DMD: variants seen among roughly 807,000 people sequenced by gnomAD.
DMD encodes the protein dystrophin.
Under a neutral mutation model 330.1 loss-of-function variants are expected in DMD, and 63 were observed. That is an observed-to-expected ratio of 0.19 (90% CI 0.16 to 0.24). The LOEUF (loss-of-function observed/expected upper bound fraction) is 0.24, where lower values mean the gene tolerates loss of function less well. Among genes scored for constraint, DMD ranks in the 10% least tolerant of loss-of-function variants. DMD has a pLI of 1.00. For synonymous variants in DMD, 1,223 were observed against 959.8 expected, an observed-to-expected ratio of 1.27 and a Z score of -5.07; for missense variants, 3,344 against 2,684.1, an observed-to-expected ratio of 1.25 and a Z score of -5.43.
intron 44 of DMD, among the ~76,000 whole-genome samples, chrX:32,063,173 T>C (rs2096239136): frequency 1.2e-5 from 1 of 81,907 alleles, no homozygotes; most frequent in African/African-American, 5.1e-5. Flanking sequence ...TCAAATAATG[T>C]TTTAAGTATG....
intron 1 of DMD, among the ~76,000 whole-genome samples, chrX:33,311,720 C>G (rs897762635): frequency 2.7e-5 from 3 of 109,752 alleles, no homozygotes; most frequent in African/African-American, 9.9e-5. Flanking sequence ...GCCACCTGCT[C>G]TTATGCGTAG....
chrX:32,674,538 G>T (rs898486114), intron 9 of DMD, among the ~76,000 whole-genome samples: 8 of 111,274 alleles, frequency 7.2e-5, no homozygotes, highest in African/African-American at 2.6e-4. Flanking sequence ...GGAAAGCATT[G>T]TTATTACTCT....
chrX:31,476,853 G>T (rs1277553278), intron 59 of DMD, among the ~76,000 whole-genome samples: 2 of 111,447 alleles, frequency 1.8e-5, no homozygotes, highest in Non-Finnish European at 3.8e-5. Context: ...AAGGACATTG[G>T]TTAAAAGAGG....
At chrX:33,173,487 T>A (rs748235839) in intron 1 of DMD, among the ~76,000 whole-genome samples, 1 of 111,569 alleles carries the variant, frequency 9.0e-6, no homozygotes. Context: ...AGAGAGGAAT[T>A]AGAAAAATAA....
intron 1 of DMD, among the ~76,000 whole-genome samples, chrX:33,045,308 A>G (rs1420267639): frequency 3.2e-5 from 3 of 93,047 alleles, no homozygotes; most frequent in Non-Finnish European, 6.3e-5. Context: ...ACACACACAC[A>G]GGTGCGTACA....
chrX:33,141,477 C>T (rs1458886339), intron 1 of DMD, among the ~76,000 whole-genome samples: 2 of 111,284 alleles, frequency 1.8e-5, no homozygotes, highest in African/African-American at 6.5e-5. Context: ...TATGGCCAAA[C>T]GGGTTGACTT....
chrX:32,585,727 A>AAAAAAAAC (rs2054209550), intron 13 of DMD, among the ~76,000 whole-genome samples: 2 of 96,534 alleles, frequency 2.1e-5, no homozygotes, highest in Non-Finnish European at 4.2e-5. Flanking sequence ...AAAAAAAAAA[A>AAAAAAAAC]AAAGAATATT....
intron 2 of DMD, among the ~76,000 whole-genome samples, chrX:32,943,867 T>G (rs1602107062): frequency 8.9e-6 from 1 of 112,169 alleles, no homozygotes; most frequent in East Asian, 2.8e-4. Flanking sequence ...TTTGGATGTG[T>G]TTTATTTTCT....
chrX:31,675,651 G>A (rs1411796638), intron 53 of DMD, among the ~76,000 whole-genome samples: 8 of 111,445 alleles, frequency 7.2e-5, no homozygotes, highest in South Asian at 3.8e-4. Flanking sequence ...ATGAGCCACC[G>A]CGCCCGGCCT....
At chrX:32,938,588 A>G (rs926864098) in intron 2 of DMD, among the ~76,000 whole-genome samples, 5 of 112,094 alleles carry the variant, frequency 4.5e-5, no homozygotes, top group African/African-American at 1.3e-4. Flanking sequence ...AGTTACTACC[A>G]ACCCCAGTTA....
chrX:33,243,557 C>A (rs1384056292), intron 1 of DMD, among the ~76,000 whole-genome samples: 2 of 111,288 alleles, frequency 1.8e-5, no homozygotes, highest in African/African-American at 6.5e-5. Flanking sequence ...GGTATCTACC[C>A]AAATGAAAAG....
intron 9 of DMD, among the ~76,000 whole-genome samples, chrX:32,679,902 C>CTTTTTTTTTTTTTGTTTTTTTT (rs2062257943): frequency 4.2e-5 from 1 of 23,580 alleles, no homozygotes; most frequent in Non-Finnish European, 7.2e-5. Context: ...AATATTTGTA[C>CTTTTTTTTTTTTTGTTTTTTTT]TTTTTTTTTT....
chrX:32,506,751 A>G (rs2044669367), intron 18 of DMD, among the ~76,000 whole-genome samples: 1 of 111,576 alleles, frequency 9.0e-6, no homozygotes, highest in African/African-American at 3.3e-5. Context: ...TTATGTTCCC[A>G]GGATCCCTTT....
In DMD at chrX:32,441,180, A is replaced by G. The variant is rs753416782; in HGVS notation, c.3921T>C (p.Asp1307=). 4 of 1,206,791 alleles carry G rather than the reference A, an allele frequency of 3.3e-6. No homozygotes were observed. Among genetic ancestry groups the G allele is most frequent in the Non-Finnish European group, 4.5e-6 (4 of 892,975 alleles). ...TCATTTGGCTTAATTTACAACTTAC[A>G]TCTAGCACCTCAGAGATTTCCTCAG... ...GGAEEISEVL[D]SLENLMRHSE... Residue 1307 remains aspartate (D), a splice_region_variant and synonymous_variant, in exon 28 of 79, where the codon GAT becomes GAC. Transcript: ENST00000357033.
chrX:32,513,594 T>C (rs1031063358), intron 18 of DMD, among the ~76,000 whole-genome samples: 1 of 111,905 alleles, frequency 8.9e-6, no homozygotes, highest in Non-Finnish European at 1.9e-5. Flanking sequence ...TTCAGGTTTC[T>C]GGATTAGGCT....
chrX:32,767,577 C>A (rs985635498), intron 7 of DMD, among the ~76,000 whole-genome samples: 1 of 111,416 alleles, frequency 9.0e-6, no homozygotes, highest in African/African-American at 3.3e-5. Flanking sequence ...AGTCTTTCAA[C>A]AAGAAAATTT....
At chrX:32,727,754 TACACATAC>T (rs2067055175) in intron 7 of DMD, among the ~76,000 whole-genome samples, 1 of 109,727 alleles carries the variant, frequency 9.1e-6, no homozygotes. Context: ...TGTATATACA[TACACATAC>T]ACACATATAC....
chrX:32,698,515 A>G (rs57008203), intron 8 of DMD, among the ~76,000 whole-genome samples: 16,638 of 111,285 alleles, frequency 0.15, 2,930 homozygotes, highest in African/African-American at 0.5. Flanking sequence ...GCATAGGAAA[A>G]CATCCAAACC....
intron 7 of DMD, among the ~76,000 whole-genome samples, chrX:32,713,520 G>A (rs1259133410): frequency 2.7e-5 from 3 of 111,471 alleles, no homozygotes; most frequent in African/African-American, 6.5e-5. Context: ...ACTGAACTCC[G>A]TTCCCCCTTT....
Sources: allele counts gnomAD v4.1 joint callset (sites outside exome capture counted in the v4.1 genomes callset), GRCh38; gene constraint gnomAD v4.1.1; transcripts MANE v1.5; gene names NCBI Gene and HGNC (gene_info 2026-07-23, HGNC 2026-07-21).